Variants in CACNG4 observed in about 807,000 individuals in gnomAD.
The protein encoded by CACNG4 is calcium voltage-gated channel auxiliary subunit gamma 4, also known as voltage-dependent calcium channel gamma-4 subunit.
A neutral mutation model predicts 22.9 loss-of-function variants in CACNG4; 8 were observed. The ratio of observed to expected loss-of-function variants is 0.35; its 90% confidence interval spans 0.21 to 0.63. The LOEUF is 0.63. Ranked by LOEUF, CACNG4 falls within the 30% of genes least tolerant of loss-of-function variation. The pLI is 0.72. For missense variants in CACNG4, 357 were observed against 455.4 expected, an observed-to-expected ratio of 0.78 and a Z score of 1.97; for synonymous variants, 188 against 191.9, an observed-to-expected ratio of 0.98 and a Z score of 0.17.
chr17:67,013,576 G>A (rs753694825), intron 1 of CACNG4, among the ~76,000 whole-genome samples: 3 of 151,998 alleles, frequency 2.0e-5, no homozygotes, highest in African/African-American at 7.2e-5. Context: ...AGGCCGAGGC[G>A]GGTGGATCAC....
rs183015261 is a variant in CACNG4 at position 67,025,556 on chromosome 17, G to A, written c.445+556G>A. On this transcript the variant is annotated intron_variant, in intron 3 of 3. Transcript: ENST00000262138. Reference sequence around the variant, plus strand: ...CTGGGAAGAGTGAGCGGGGAAGCTCGGCAGAGCAGGCGGCCCCCGCCCATC... The same window carrying A: ...CTGGGAAGAGTGAGCGGGGAAGCTCAGCAGAGCAGGCGGCCCCCGCCCATC... Among the ~76,000 whole-genome samples, 515 of 152,234 alleles carry A rather than the reference G, an allele frequency of 3.4e-3. 1 individual carries two copies. Among genetic ancestry groups the A allele is most frequent in the Non-Finnish European group, 5.3e-3 (364 of 68,044 alleles).
intron 1 of CACNG4, among the ~76,000 whole-genome samples, chr17:67,009,794 A>G (rs1308118659): frequency 1.3e-5 from 2 of 152,150 alleles, no homozygotes; most frequent in Admixed American, 6.5e-5. Context: ...AGTCTCTTTT[A>G]AAAGGACTCT....
rs2035614864 is a variant in CACNG4 at position 67,032,587 on chromosome 17, C to T, written c.*1583C>T. 6.4e-6 allele frequency: 1 copy of T among 155,364 alleles called. No homozygotes were observed. Among genetic ancestry groups the T allele is most frequent in the Admixed American group, 6.2e-5 (1 of 16,066 alleles). The allele number at this position is 155,364 out of a possible 1,614,324, so 9.6% of individuals were successfully genotyped here. ...CTAGTGATGATGTCATCGTCCATCCCATCTTCCTTTGCCCCCAGGAAAGGA... is the reference window on the plus strand; with the variant it reads ...CTAGTGATGATGTCATCGTCCATCCTATCTTCCTTTGCCCCCAGGAAAGGA... On this transcript the variant is annotated 3_prime_UTR_variant, in exon 4 of 4. Transcript: ENST00000262138.
intron 3 of CACNG4, among the ~76,000 whole-genome samples, chr17:67,029,501 G>A (rs1278238413): frequency 6.6e-6 from 1 of 151,794 alleles, no homozygotes; most frequent in African/African-American, 2.4e-5. Context: ...GGGTGTGGTG[G>A]CGGGCGCCTG....
rs147225791 is a variant in CACNG4, at chr17:66,982,187, C to T, written c.220+17056C>T. Among the ~76,000 whole-genome samples the T allele has an allele frequency of 3.6e-3, 546 of 152,306 alleles. 4 individuals carry two copies. Among genetic ancestry groups the T allele is most frequent in the African/African-American group, 0.013 (521 of 41,568 alleles). On this transcript the variant is annotated intron_variant, in intron 1 of 3. Coordinates refer to ENST00000262138, the MANE Select transcript of CACNG4 (RefSeq NM_014405.4). ...TTCCACGAGTGGGAGGAGACCCAAGCGGATTGCCGCTGCTGGCTAGGGTGG... is the reference window on the plus strand; with the variant it reads ...TTCCACGAGTGGGAGGAGACCCAAGTGGATTGCCGCTGCTGGCTAGGGTGG...
At chr17:66,994,213 G>A (rs532362060) in intron 1 of CACNG4, among the ~76,000 whole-genome samples, 1 of 151,580 alleles carries the variant, frequency 6.6e-6, no homozygotes. Context: ...TATAGTATTA[G>A]CTACTCAGGA....
rs957941267 is a variant in CACNG4, at chr17:67,030,331, A to C, written c.446-135A>C. 14 of 755,378 alleles carry C rather than the reference A, an allele frequency of 1.9e-5. No homozygotes were observed. The highest frequency in any genetic ancestry group is 3.1e-5 in the Non-Finnish European group (14 of 448,302). 46.8% of individuals were successfully genotyped at this position (755,378 alleles called of 1,614,324 possible). On this transcript the variant is annotated intron_variant, in intron 3 of 3. Coordinates refer to ENST00000262138, the MANE Select transcript of CACNG4 (RefSeq NM_014405.4). The surrounding 1 kb of genome is among the most constrained non-coding windows in gnomAD (Gnocchi z 6.4). ...ACATTAATTACTGAAAAGAAAAATT[A>C]GCAACCAGAATAAAGAAATACTCAT... is the stretch of plus-strand genomic sequence containing the variant.
intron 3 of CACNG4, 24 bp downstream of exon 3, chr17:67,025,024 G>C: frequency 6.4e-7 from 1 of 1,563,488 alleles, no homozygotes; most frequent in Non-Finnish European, 8.6e-7. Context: ...CCGGGCTGGT[G>C]CTGGGCCGGG....
chr17:67,018,380 G>A, intron 2 of CACNG4, 108 bp downstream of exon 2: 1 of 782,976 alleles, frequency 1.3e-6, no homozygotes, highest in East Asian at 2.5e-5. Context: ...ATTGTCTTGG[G>A]ATGGTCCACT....
chr17:67,016,719 GGAAGGGGTTGT>G (rs1356747708), intron 1 of CACNG4, among the ~76,000 whole-genome samples: 1 of 152,180 alleles, frequency 6.6e-6, no homozygotes, highest in East Asian at 1.9e-4. Flanking sequence ...CTGACCCGGG[GGAAGGGGTTGT>G]CTGACATGGA....
chr17:66,966,425 CCACA>C (rs1280067018), intron 1 of CACNG4, among the ~76,000 whole-genome samples: 2 of 152,126 alleles, frequency 1.3e-5, no homozygotes, highest in Non-Finnish European at 2.9e-5. Context: ...GGAAGTTCTC[CCACA>C]CACCTAGCCT....
At chr17:67,024,780 T>G in intron 2 of CACNG4, 80 bp from the exon 3 acceptor site, 6 of 1,377,944 alleles carry the variant, frequency 4.4e-6, no homozygotes, top group Non-Finnish European at 5.7e-6. Flanking sequence ...GCAAGGTTCC[T>G]GGGAGACATA....
At chr17:66,995,445 A>G (rs2035368117) in intron 1 of CACNG4, among the ~76,000 whole-genome samples, 1 of 152,154 alleles carries the variant, frequency 6.6e-6, no homozygotes, top group African/African-American at 2.4e-5. Flanking sequence ...GGAACCTTGC[A>G]GGGTTGGAGG....
At chr17:66,982,169 A>C (rs534417569) in intron 1 of CACNG4, among the ~76,000 whole-genome samples, 1 of 152,344 alleles carries the variant, frequency 6.6e-6, no homozygotes, top group African/African-American at 2.4e-5. Flanking sequence ...AGCTTCCACG[A>C]GTGGGAGGAG....
At chr17:66,968,885 C>G (rs929537852) in intron 1 of CACNG4, among the ~76,000 whole-genome samples, 76 of 150,398 alleles carry the variant, frequency 5.1e-4, no homozygotes, top group Non-Finnish European at 1.8e-4. Flanking sequence ...GTCACTATCT[C>G]TATCTCTTTC....
intron 1 of CACNG4, among the ~76,000 whole-genome samples, chr17:66,993,760 C>T (rs1238893876): frequency 6.6e-6 from 1 of 152,178 alleles, no homozygotes; most frequent in Non-Finnish European, 1.5e-5. Flanking sequence ...CACCCGCCAC[C>T]ATGCCCGGCT....
chr17:67,005,429 C>T (rs1203149511), intron 1 of CACNG4, among the ~76,000 whole-genome samples: 1 of 152,228 alleles, frequency 6.6e-6, no homozygotes, highest in Non-Finnish European at 1.5e-5. Flanking sequence ...ACTCCCTCTC[C>T]ACCCACCTTC....
intron 1 of CACNG4, among the ~76,000 whole-genome samples, chr17:67,006,366 G>C (rs889441247): frequency 6.6e-6 from 1 of 152,156 alleles, no homozygotes; most frequent in Non-Finnish European, 1.5e-5. Context: ...AGGGCGCCTC[G>C]GCTGATGGCA....
intron 1 of CACNG4, among the ~76,000 whole-genome samples, chr17:67,003,605 T>C (rs779522521): frequency 1.4e-4 from 21 of 151,890 alleles, no homozygotes; most frequent in Admixed American, 6.6e-4. Context: ...GGGTAGGGAG[T>C]CATCCTGTGC....
Sources: gnomAD v4.1 joint callset for allele counts (sites outside exome capture counted in the v4.1 genomes callset) on GRCh38, gnomAD v4.1.1 for gene constraint, Gnocchi (gnomAD v3.1) non-coding constraint, MANE v1.5 for transcripts, NCBI Gene and HGNC (gene_info 2026-07-23, HGNC 2026-07-21) for gene names.